The following HDAC9 variants were observed in gnomAD, a reference collection of about 807,000 sequenced individuals.
HDAC9 encodes MEF-2 interacting transcription repressor (MITR) protein.
In HDAC9, 41 loss-of-function variants were observed where a neutral mutation model predicts 139.4. The observed-to-expected ratio is 0.29, with a 90% CI of 0.23 to 0.38. The LOEUF (loss-of-function observed/expected upper bound fraction) is 0.38. Ranked by LOEUF, HDAC9 falls within the 10% of genes least tolerant of loss-of-function variation. The probability of loss-of-function intolerance (pLI) is 1.00; values close to 1 mark genes in which losing one functional copy is unlikely to be tolerated. For synonymous variants in HDAC9, 517 were observed against 476.2 expected (o/e 1.09, Z -1.12); for missense variants, 1,147 against 1,297.0 (o/e 0.88, Z 1.78).
chr7:18,580,585 A>T lies in HDAC9; in HGVS notation c.23-4696A>T, dbSNP rs114633975. 5.1e-3 allele frequency among the ~76,000 whole-genome samples: 773 copies of T among 152,318 alleles called. 5 individuals carry two copies. The highest frequency in any genetic ancestry group is 0.017 in the African/African-American group (725 of 41,582). ...TGTCACAAGGTCTTGAGATCAGTTT[A>T]AAAAACATGTTTTATTTACAACTAA... On this transcript the variant is annotated intron_variant, in intron 2 of 25. Coordinates refer to ENST00000686413, the MANE Select transcript of HDAC9 (RefSeq NM_178425.4).
chr7:18,825,168 G>A (rs1012013400), intron 17 of HDAC9, among the ~76,000 whole-genome samples: 1 of 152,190 alleles, frequency 6.6e-6, no homozygotes, highest in Non-Finnish European at 1.5e-5. Context: ...CCAGAGAAGA[G>A]TCCATCTTGG....
At position 18,638,450 on chromosome 7, in the gene HDAC9, T is replaced by C. The variant is rs551479929; in HGVS notation, c.912+3708T>C. ...CACATTGTAGTAGAATGTATGGGTGTTCCATTCAGAAGACTCAGCCTGAAC... is the reference window on the plus strand; with the variant it reads ...CACATTGTAGTAGAATGTATGGGTGCTCCATTCAGAAGACTCAGCCTGAAC... On this transcript the variant is annotated intron_variant, in intron 8 of 25. Coordinates refer to ENST00000686413, the MANE Select transcript of HDAC9 (RefSeq NM_178425.4). Among the ~76,000 whole-genome samples, 3 of 152,164 alleles carry C rather than the reference T, an allele frequency of 2.0e-5. No homozygotes were observed. The South Asian group carries it at 6.2e-4, about 32-fold the overall frequency.
At chr7:18,468,715 T>C (rs2128117674) in intron 1 of HDAC9, among the ~76,000 whole-genome samples, 1 of 152,350 alleles carries the variant, frequency 6.6e-6, no homozygotes, top group East Asian at 1.9e-4. Flanking sequence ...TAAAAATCAA[T>C]TTGTATTTTG....
At chr7:18,425,435 A>C (rs769290279) in intron 1 of HDAC9, among the ~76,000 whole-genome samples, 2 of 152,224 alleles carry the variant, frequency 1.3e-5, no homozygotes, top group Non-Finnish European at 2.9e-5. Flanking sequence ...TCCCATTCAC[A>C]GCTGAGTGGG....
intron 1 of HDAC9, among the ~76,000 whole-genome samples, chr7:18,453,378 A>G (rs1239518444): frequency 2.6e-5 from 4 of 152,232 alleles, no homozygotes; most frequent in African/African-American, 9.6e-5. Flanking sequence ...TAAACAGATC[A>G]AGGACATACA....
intron 22 of HDAC9, among the ~76,000 whole-genome samples, chr7:18,922,082 G>GT (rs1803796879): frequency 8.3e-6 from 1 of 121,070 alleles, no homozygotes; most frequent in Non-Finnish European, 1.7e-5. Context: ...CTGTTGTGGG[G>GT]TGGGGGGAGG....
intron 2 of HDAC9, among the ~76,000 whole-genome samples, chr7:18,199,734 T>C (rs1790978308): frequency 8.4e-6 from 1 of 119,254 alleles, no homozygotes; most frequent in Admixed American, 1.2e-4. Flanking sequence ...CTGGACAACA[T>C]AGTGAAGTCA....
chr7:18,637,043 A>G (rs1024452454), intron 8 of HDAC9, among the ~76,000 whole-genome samples: 2 of 152,260 alleles, frequency 1.3e-5, no homozygotes, highest in East Asian at 3.9e-4. Context: ...AGCAGCATGT[A>G]TGATTCTGAG....
chr7:18,205,775 T>C (rs1025811055), intron 2 of HDAC9, among the ~76,000 whole-genome samples: 8 of 152,174 alleles, frequency 5.3e-5, no homozygotes, highest in Non-Finnish European at 2.9e-5. Flanking sequence ...AAACATTTCA[T>C]GTTAAACATA....
chr7:18,941,738 A>G (rs559042782), intron 23 of HDAC9, among the ~76,000 whole-genome samples: 16 of 152,244 alleles, frequency 1.1e-4, no homozygotes, highest in African/African-American at 3.1e-4. Flanking sequence ...ACTCTGAAAG[A>G]GAATGTGTGG....
At chr7:18,854,360 T>A (rs2129226433) in intron 21 of HDAC9, among the ~76,000 whole-genome samples, 1 of 152,298 alleles carries the variant, frequency 6.6e-6, no homozygotes, top group Middle Eastern at 3.4e-3. Context: ...AAAAACTGAA[T>A]TTTATTTTTG....
chr7:18,472,062 C>T (rs769728146), intron 1 of HDAC9, among the ~76,000 whole-genome samples: 49 of 152,326 alleles, frequency 3.2e-4, no homozygotes, highest in Non-Finnish European at 6.0e-4. Context: ...GGGCTGTTCT[C>T]TAATTGTTAC....
At chr7:18,133,272 T>C (rs1168591694) in intron 1 of HDAC9, among the ~76,000 whole-genome samples, 1 of 152,182 alleles carries the variant, frequency 6.6e-6, no homozygotes, top group Non-Finnish European at 1.5e-5. Context: ...AAAATAATTA[T>C]AGTCTTTGGA....
intron 12 of HDAC9, among the ~76,000 whole-genome samples, chr7:18,715,259 C>T (rs779894714): frequency 6.0e-5 from 9 of 150,644 alleles, no homozygotes; most frequent in East Asian, 2.0e-4. Flanking sequence ...TTTTTTAAAG[C>T]GGATACTTCT....
intron 16 of HDAC9, 113 bp from the exon 17 acceptor site, chr7:18,793,232 T>A (rs991594174): frequency 2.8e-6 from 2 of 720,276 alleles, no homozygotes; most frequent in African/African-American, 3.5e-5. Flanking sequence ...ACAGATTTGC[T>A]TTCTCTCTCT....
rs1168991392 is a variant in HDAC9 at position 18,522,754 on chromosome 7, A to AT, written c.22+26432dup. Among the ~76,000 whole-genome samples, 4 of 152,306 alleles carry AT rather than the reference A, an allele frequency of 2.6e-5. No individual in the cohort carries two copies. The East Asian group carries it at 7.7e-4, about 29-fold the overall frequency. Reference sequence around the variant, plus strand: ...ATATGTCTTAAGAAGGATTAATAACATTCAGTGACCATTAAGTGCTATGAA... The same window carrying AT: ...ATATGTCTTAAGAAGGATTAATAACATTTCAGTGACCATTAAGTGCTATGAA... On this transcript the variant is annotated intron_variant, in intron 2 of 25. Coordinates refer to ENST00000686413, the MANE Select transcript of HDAC9 (RefSeq NM_178425.4).
chr7:18,467,463 T>C (rs921635317), intron 1 of HDAC9, among the ~76,000 whole-genome samples: 4 of 152,186 alleles, frequency 2.6e-5, no homozygotes, highest in African/African-American at 9.7e-5. Flanking sequence ...GTTATACTTA[T>C]CTTTTAGACC....
chr7:18,466,605 A>G (rs1794297674), intron 1 of HDAC9, among the ~76,000 whole-genome samples: 1 of 152,166 alleles, frequency 6.6e-6, no homozygotes, highest in African/African-American at 2.4e-5. Context: ...GACTCCTCTG[A>G]CTTCCTCTCC....
chr7:18,124,514 A>G (rs1784539030), intron 1 of HDAC9, among the ~76,000 whole-genome samples: 1 of 152,208 alleles, frequency 6.6e-6, no homozygotes, highest in South Asian at 2.1e-4. Context: ...TGAACCTTCC[A>G]AAGTTCTTCC....
Sources: gnomAD v4.1 joint callset for allele counts (sites outside exome capture counted in the v4.1 genomes callset) on GRCh38, gnomAD v4.1.1 for gene constraint, MANE v1.5 for transcripts, NCBI Gene and HGNC (gene_info 2026-07-23, HGNC 2026-07-21) for gene names.